FRMD3: variants seen among roughly 807,000 people sequenced by gnomAD.
FRMD3 encodes the protein FERM domain containing 3, also known as FERM domain-containing protein 3.
Under a neutral mutation model 70.2 loss-of-function variants are expected in FRMD3, and 33 were observed. That is an observed-to-expected ratio of 0.47 (90% CI 0.36 to 0.63). The LOEUF (loss-of-function observed/expected upper bound fraction) is 0.63, where lower values mean the gene tolerates loss of function less well. Among genes scored for constraint, FRMD3 ranks in the 20% least tolerant of loss-of-function variants. The pLI is 0.00. For synonymous variants in FRMD3, 279 were observed against 255.9 expected (o/e 1.09, Z -0.86); for missense variants, 632 against 711.4 (o/e 0.89, Z 1.27).
intron 5 of FRMD3, among the ~76,000 whole-genome samples, chr9:83,336,930 AAG>A (rs959088088): frequency 6.6e-6 from 1 of 152,046 alleles, no homozygotes; most frequent in Non-Finnish European, 1.5e-5. Context: ...CCTTCCTGGT[AAG>A]AGACCACTGA....
At chr9:83,319,475 G>T (rs1835711653) in intron 6 of FRMD3, among the ~76,000 whole-genome samples, 1 of 152,172 alleles carries the variant, frequency 6.6e-6, no homozygotes, top group African/African-American at 2.4e-5. Context: ...AGGCTGAAAT[G>T]CAGTGGCATG....
At chr9:83,567,724 A>T in the FRMD3 span, among the ~76,000 whole-genome samples, 1 of 152,184 alleles carries the variant, frequency 6.6e-6, no homozygotes. Flanking sequence ...AAACATAACA[A>T]GAGTCACTTT....
Position 83,246,424 on chromosome 9 carries a change from G to A in FRMD3, c.*1494C>T, listed in dbSNP as rs1832100941. On this transcript the variant is annotated 3_prime_UTR_variant, in exon 14 of 14. Transcript: ENST00000304195. ...TGTTGGATTAAATCCTTTCCATCAT[G>A]GATTTAATGGTATCAAGGAAGGTAC... 1.0e-6 allele frequency: 1 copy of A among 983,594 alleles called. No individual in the cohort carries two copies. The highest frequency in any genetic ancestry group is 1.2e-6 in the Non-Finnish European group (1 of 828,478). The allele number at this position is 983,594 out of a possible 1,614,324, so 60.9% of individuals were successfully genotyped here.
At chr9:83,463,466 A>C (rs143144251) in intron 1 of FRMD3, among the ~76,000 whole-genome samples, 3 of 152,264 alleles carry the variant, frequency 2.0e-5, no homozygotes, top group Admixed American at 6.5e-5. Context: ...AATGAGTAAA[A>C]GGGTGGAAAG....
At chr9:83,455,520 G>A (rs532003881) in intron 1 of FRMD3, among the ~76,000 whole-genome samples, 35 of 152,286 alleles carry the variant, frequency 2.3e-4, no homozygotes, top group South Asian at 4.1e-4. Flanking sequence ...CATGTAAGAA[G>A]TGCCTTTTGC....
intron 1 of FRMD3, among the ~76,000 whole-genome samples, chr9:83,519,045 G>T (rs1829515103): frequency 6.6e-6 from 1 of 152,132 alleles, no homozygotes; most frequent in African/African-American, 2.4e-5. Flanking sequence ...AACCCTAGAA[G>T]AAAACCTAGG....
chr9:83,436,458 A>ATGTGTGTGTG (rs148417744), intron 1 of FRMD3, among the ~76,000 whole-genome samples: 2,518 of 144,620 alleles, frequency 0.017, 68 homozygotes, highest in African/African-American at 0.058. Flanking sequence ...AATTAATAAG[A>ATGTGTGTGTG]TGTGTGTGTG....
In FRMD3 at chr9:83,309,732, C is replaced by G. The variant is rs1835280904; in HGVS notation, c.838-108G>C. On this transcript the variant is annotated intron_variant, in intron 9 of 13. Coordinates refer to ENST00000304195, the MANE Select transcript of FRMD3 (RefSeq NM_174938.6). The stretch of plus-strand genomic sequence containing the variant: ...CCTCTTTGTATCCTATCTCCTATTA[C>G]ACAGACTTGAAGTAACTTAACATAT... 17 of 627,738 alleles carry G rather than the reference C, an allele frequency of 2.7e-5. No individual in the cohort carries two copies. The South Asian group carries it at 3.8e-4, about 14-fold the overall frequency. 38.9% of individuals were successfully genotyped at this position (627,738 alleles called of 1,614,324 possible).
chr9:83,580,016 G>A, the FRMD3 span, among the ~76,000 whole-genome samples: 1 of 152,062 alleles, frequency 6.6e-6, no homozygotes, highest in Admixed American at 6.5e-5. Flanking sequence ...ATGGCCAACA[G>A]GGCCATGAAG....
chr9:83,528,298 C>G (rs1829725748), intron 1 of FRMD3, among the ~76,000 whole-genome samples: 1 of 149,830 alleles, frequency 6.7e-6, no homozygotes, highest in South Asian at 2.1e-4. Context: ...TAAACGCAGA[C>G]ACACACACAC....
At chr9:83,309,755 T>C (rs1365746280) in intron 9 of FRMD3, 131 bp from the exon 10 acceptor site, 1 of 579,716 alleles carries the variant, frequency 1.7e-6, no homozygotes, top group East Asian at 2.8e-5. Context: ...TAACTTAACA[T>C]ATTGCTATGT....
intron 5 of FRMD3, among the ~76,000 whole-genome samples, chr9:83,342,705 TAG>T (rs1823808339): frequency 7.2e-6 from 1 of 139,192 alleles, no homozygotes; most frequent in Non-Finnish European, 1.5e-5. Flanking sequence ...GATAGATAGA[TAG>T]ATAGATAGAT....
chr9:83,523,984 T>A (rs181680225), intron 1 of FRMD3, among the ~76,000 whole-genome samples: 2 of 152,322 alleles, frequency 1.3e-5, no homozygotes, highest in East Asian at 3.9e-4. Flanking sequence ...TAACCTGAAG[T>A]GTATTTTCCA....
chr9:83,465,537 C>T (rs1828103150), intron 1 of FRMD3, among the ~76,000 whole-genome samples: 1 of 152,204 alleles, frequency 6.6e-6, no homozygotes, highest in South Asian at 2.1e-4. Context: ...AGAAAAACAC[C>T]AGGCCTTTTG....
intron 1 of FRMD3, among the ~76,000 whole-genome samples, chr9:83,442,178 G>A (rs1464643935): frequency 6.6e-6 from 1 of 151,672 alleles, no homozygotes; most frequent in Non-Finnish European, 1.5e-5. Context: ...GTCTACTAGT[G>A]CCAGATGTAA....
At chr9:83,482,074 C>T (rs1444518306) in intron 1 of FRMD3, among the ~76,000 whole-genome samples, 4 of 152,076 alleles carry the variant, frequency 2.6e-5, no homozygotes, top group Admixed American at 2.6e-4. Flanking sequence ...AATTACTTTG[C>T]CAGGAAATCT....
chr9:83,438,413 T>TTTTG lies in FRMD3; in HGVS notation c.148-48706_148-48705insCAAA, dbSNP rs10651216. On this transcript the variant is annotated intron_variant, in intron 1 of 13. Coordinates refer to ENST00000304195, the MANE Select transcript of FRMD3 (RefSeq NM_174938.6). ...CTACCTGTCTCAGAAGAGAGTTTTT[T>TTTTG]TTTTGTTTTGTTTTGTTTTGTTTTG... 4.2e-3 allele frequency among the ~76,000 whole-genome samples: 632 copies of TTTTG among 151,236 alleles called. 3 individuals are homozygous for TTTTG. The highest frequency in any genetic ancestry group is 0.014 in the African/African-American group (580 of 40,996).
At chr9:83,325,532 C>A (rs151158485) in intron 6 of FRMD3, among the ~76,000 whole-genome samples, 1 of 151,592 alleles carries the variant, frequency 6.6e-6, no homozygotes, top group Admixed American at 6.6e-5. Flanking sequence ...ACCATGTTGC[C>A]CACGCTGGTC....
At chr9:83,400,384 G>A (rs72745040) in intron 1 of FRMD3, among the ~76,000 whole-genome samples, 5,168 of 152,234 alleles carry the variant, frequency 0.034, 103 homozygotes, top group Non-Finnish European at 0.039. Flanking sequence ...AAATTTGGAT[G>A]AAAGAAATAA....
Sources: gnomAD v4.1 joint callset for allele counts (sites outside exome capture counted in the v4.1 genomes callset) on GRCh38, gnomAD v4.1.1 for gene constraint, MANE v1.5 for transcripts, NCBI Gene and HGNC (gene_info 2026-07-23, HGNC 2026-07-21) for gene names.